Variants in RABGAP1 observed in about 807,000 individuals in gnomAD.
RABGAP1 encodes the protein rab GTPase-activating protein 1.
In RABGAP1, 23 loss-of-function variants were observed where a neutral mutation model predicts 137.6. The ratio of observed to expected loss-of-function variants is 0.17; its 90% CI spans 0.12 to 0.24. The LOEUF is 0.24. Among genes scored for constraint, RABGAP1 ranks in the 10% least tolerant of loss-of-function variants. The pLI is 1.00. For missense variants in RABGAP1, 906 were observed against 1,275.8 expected, an observed-to-expected ratio of 0.71 and a Z score of 4.42; for synonymous variants, 451 against 450.7, an observed-to-expected ratio of 1.00 and a Z score of -0.01.
chr9:123,077,771 T>TCC (rs2132165341), intron 19 of RABGAP1, among the ~76,000 whole-genome samples: 1 of 152,156 alleles, frequency 6.6e-6, no homozygotes, highest in South Asian at 2.1e-4. Flanking sequence ...CAGTCACAGC[T>TCC]CACTGTAGCC....
chr9:123,102,425 C>T (rs931586748), intron 25 of RABGAP1, among the ~76,000 whole-genome samples: 8 of 152,172 alleles, frequency 5.3e-5, no homozygotes, highest in African/African-American at 1.9e-4. Flanking sequence ...GGCACACATT[C>T]ACTGGGCATC....
chr9:123,034,168 C>T (rs535369417), intron 13 of RABGAP1: 4 of 194,482 alleles, frequency 2.1e-5, no homozygotes, highest in South Asian at 1.8e-4. Flanking sequence ...TTTCTTCTAT[C>T]AGCTGTTCAG....
chr9:123,007,300 C>G (rs2030366508), intron 10 of RABGAP1, among the ~76,000 whole-genome samples: 1 of 150,918 alleles, frequency 6.6e-6, no homozygotes, highest in African/African-American at 2.4e-5. Context: ...GTCTTGAACT[C>G]CTGGCCTCAA....
chr9:123,092,824 TC>T (rs2035070146), intron 21 of RABGAP1, among the ~76,000 whole-genome samples: 1 of 152,118 alleles, frequency 6.6e-6, no homozygotes, highest in Non-Finnish European at 1.5e-5. Flanking sequence ...AGGTTAAATA[TC>T]CCACACAGAT....
At chr9:122,973,027 C>G (rs1835552891) in intron 2 of RABGAP1, among the ~76,000 whole-genome samples, 1 of 149,318 alleles carries the variant, frequency 6.7e-6, no homozygotes, top group East Asian at 2.0e-4. Flanking sequence ...TTAACCTAGT[C>G]ATCCATAAGC....
chr9:123,015,418 A>G (rs1442151631), intron 11 of RABGAP1, 125 bp from the exon 12 acceptor site: 1 of 563,588 alleles, frequency 1.8e-6, no homozygotes, highest in Non-Finnish European at 3.1e-6. Flanking sequence ...ATAAATACTA[A>G]AAGAGAGAAA....
intron 19 of RABGAP1, among the ~76,000 whole-genome samples, chr9:123,083,147 A>G (rs1282367181): frequency 6.6e-6 from 1 of 152,246 alleles, no homozygotes; most frequent in East Asian, 1.9e-4. Flanking sequence ...AGTTGGGATT[A>G]GATCCCAAGA....
rs1015697012 is a variant in RABGAP1 at position 123,096,486 on chromosome 9, C to T, written c.2629-1255C>T. Among the ~76,000 whole-genome samples, 6 of 152,322 alleles carry T rather than the reference C, an allele frequency of 3.9e-5. No individual in the cohort carries two copies. The South Asian group carries it at 6.2e-4, about 16-fold the overall frequency. On this transcript the variant is annotated intron_variant, in intron 21 of 25. Transcript: ENST00000373647. ...ACATTTCCTAATGATAAAAGAGTCACGCAATTTAATTGCGTGCATTTGCAG... is the reference window on the plus strand; with the variant it reads ...ACATTTCCTAATGATAAAAGAGTCATGCAATTTAATTGCGTGCATTTGCAG...
At chr9:123,034,131 G>A (rs1271185492) in intron 13 of RABGAP1, 1 of 174,584 alleles carries the variant, frequency 5.7e-6, no homozygotes, top group Admixed American at 5.9e-5. Flanking sequence ...TAGGGCATTG[G>A]ATGTGAAATG....
At chr9:123,059,381 C>T (rs1317072501) in intron 13 of RABGAP1, among the ~76,000 whole-genome samples, 10 of 151,870 alleles carry the variant, frequency 6.6e-5, no homozygotes, top group Admixed American at 2.6e-4. Flanking sequence ...AGTGAAACCC[C>T]GTCTCTACTA....
At chr9:122,936,538 T>C (rs570013051), upstream of RABGAP1, among the ~76,000 whole-genome samples, 1 of 152,332 alleles carries the variant, frequency 6.6e-6, no homozygotes, top group African/African-American at 2.4e-5. Context: ...ACTCATGCAG[T>C]GTTACTTAAC....
At chr9:122,991,008 G>A (rs1167216529) in intron 6 of RABGAP1, among the ~76,000 whole-genome samples, 2 of 151,038 alleles carry the variant, frequency 1.3e-5, no homozygotes, top group Non-Finnish European at 3.0e-5. Flanking sequence ...AATAAGGTCT[G>A]TGTCTGAAGT....
intron 9 of RABGAP1, among the ~76,000 whole-genome samples, 172 bp from the exon 10 acceptor site, chr9:122,998,425 G>T (rs181281614): frequency 6.6e-6 from 1 of 152,264 alleles, no homozygotes; most frequent in African/African-American, 2.4e-5. Flanking sequence ...TCTCAATATG[G>T]AATTTGCTTT....
At chr9:122,936,807 T>C (rs1833394298), upstream of RABGAP1, among the ~76,000 whole-genome samples, 1 of 152,184 alleles carries the variant, frequency 6.6e-6, no homozygotes. Flanking sequence ...AGGATTAGGA[T>C]ATTCAAAAGC....
At chr9:123,036,781 G>GA (rs1474759459) in intron 13 of RABGAP1, among the ~76,000 whole-genome samples, 4 of 148,818 alleles carry the variant, frequency 2.7e-5, no homozygotes, top group East Asian at 1.9e-4. Flanking sequence ...TTTCTCTCTG[G>GA]AAAAAAAATC....
chr9:123,035,639 C>CGTGTGTGTGT lies in RABGAP1; in HGVS notation c.1794+15215_1794+15224dup, dbSNP rs5900552. ...TGAAGTGGCTCAGTTACGGGGTTCCCGTGTGTGTGTGTGTGTGTGTGTGTG... is the reference window on the plus strand; with the variant it reads ...TGAAGTGGCTCAGTTACGGGGTTCCCGTGTGTGTGTGTGTGTGTGTGTGTGTGTGTGTGTG... On this transcript the variant is annotated intron_variant, in intron 13 of 25. Transcript: ENST00000373647. 169 of 733,362 alleles carry CGTGTGTGTGT rather than the reference C, an allele frequency of 2.3e-4. No homozygotes were observed. The African/African-American group carries it at 2.9e-3, about 12-fold the overall frequency. 45.4% of individuals were successfully genotyped at this position (733,362 alleles called of 1,614,324 possible).
At chr9:123,044,754 A>G (rs1260958786) in intron 13 of RABGAP1, among the ~76,000 whole-genome samples, 1 of 152,092 alleles carries the variant, frequency 6.6e-6, no homozygotes, top group East Asian at 1.9e-4. Flanking sequence ...GTAGTGTTCA[A>G]AGGCAAGGAG....
At chr9:122,996,223 C>A in intron 7 of RABGAP1, 72 bp downstream of exon 7, 1 of 1,513,306 alleles carries the variant, frequency 6.6e-7, no homozygotes, top group South Asian at 1.4e-5. Context: ...TAGTTTTACA[C>A]TGTATTAAAA....
intron 5 of RABGAP1, 96 bp from the exon 6 acceptor site, chr9:122,989,960 T>C: frequency 1.5e-6 from 2 of 1,307,348 alleles, no homozygotes; most frequent in Non-Finnish European, 2.1e-6. Flanking sequence ...GGGATAAAGA[T>C]AATTATTGCC....
Sources: allele counts gnomAD v4.1 joint callset (sites outside exome capture counted in the v4.1 genomes callset), GRCh38; gene constraint gnomAD v4.1.1; transcripts MANE v1.5; gene names NCBI Gene and HGNC (gene_info 2026-07-23, HGNC 2026-07-21).